Variants in TMEM131L observed in about 807,000 individuals in gnomAD.
The protein encoded by TMEM131L is transmembrane protein 131-like.
A neutral mutation model predicts 192.2 loss-of-function variants in TMEM131L; 54 were observed. The observed-to-expected ratio is 0.28, with a 90% CI of 0.23 to 0.35. TMEM131L has a LOEUF of 0.35. Ranked by LOEUF, TMEM131L falls within the 10% of genes least tolerant of loss-of-function variation. The probability of loss-of-function intolerance (pLI) is 1.00; values close to 1 mark genes in which losing one functional copy is unlikely to be tolerated. For missense variants in TMEM131L, 1,888 were observed against 1,972.9 expected (o/e 0.96, Z 0.82); for synonymous variants, 701 against 704.9 (o/e 0.99, Z 0.09).
Position 153,580,892 on chromosome 4 carries a change from C to A in TMEM131L, c.727C>A (p.Gln243Lys). 6.2e-7 allele frequency: 1 copy of A among 1,603,134 alleles called. No homozygotes were observed. The highest frequency in any genetic ancestry group is 1.1e-5 in the South Asian group (1 of 90,850). ...ATGCAGTTTACATAATAAAGTGTGT[C>A]AGCAATTAAAGGTAAAATAAAATGT... ...LECSLHNKVC[Q>K]QLKGCYLESD... Residue 243 changes from glutamine to lysine, a missense_variant, in exon 8 of 35, where the codon CAG (glutamine) becomes AAG (lysine). By Grantham distance (53) the Gln-to-Lys change is moderately conservative. Coordinates refer to ENST00000409959, the MANE Select transcript of TMEM131L (RefSeq NM_001131007.2).
chr4:153,598,134 GA>G (rs1731575565), intron 20 of TMEM131L, among the ~76,000 whole-genome samples: 1 of 152,058 alleles, frequency 6.6e-6, no homozygotes, highest in Non-Finnish European at 1.5e-5. Context: ...CCCTAAGGCA[GA>G]ATTTCTTACG....
intron 3 of TMEM131L, among the ~76,000 whole-genome samples, chr4:153,496,220 C>T (rs1423021840): frequency 6.6e-6 from 1 of 152,230 alleles, no homozygotes; most frequent in African/African-American, 2.4e-5. Flanking sequence ...ACTTCACAGG[C>T]TGGTCCTAAC....
rs1277601962 is a variant in TMEM131L, at chr4:153,581,415, T to C, written c.747T>C (p.Tyr249=). Residue 249 remains tyrosine, a synonymous_variant, in exon 9 of 35, where the codon TAT becomes TAC. Coordinates refer to ENST00000409959, the MANE Select transcript of TMEM131L (RefSeq NM_001131007.2). ...CCTCCTTCCAACCATAGGGTTGTTA[T>C]CTGGAATCTGATGATGTTTTGCGTC... ...NKVCQQLKGC[Y]LESDDVLRLQ... The C allele has an allele frequency of 3.8e-6, 6 of 1,562,974 alleles. No homozygotes were observed. Among genetic ancestry groups the C allele is most frequent in the African/African-American group, 1.4e-5 (1 of 72,646 alleles).
chr4:153,493,501 A>C (rs1043238973), intron 3 of TMEM131L, among the ~76,000 whole-genome samples: 1 of 152,006 alleles, frequency 6.6e-6, no homozygotes, highest in Non-Finnish European at 1.5e-5. Context: ...TCTACTAAAA[A>C]TACAAAAAAT....
intron 25 of TMEM131L, among the ~76,000 whole-genome samples, chr4:153,606,145 C>T (rs1179116657): frequency 2.0e-5 from 3 of 152,186 alleles, no homozygotes; most frequent in Non-Finnish European, 4.4e-5. Flanking sequence ...GTGTCTTATT[C>T]TGTTTCTCTC....
Position 153,560,386 on chromosome 4 carries a change from C to A in TMEM131L, c.660+2018C>A, listed in dbSNP as rs574653838. 3.9e-5 allele frequency among the ~76,000 whole-genome samples: 6 copies of A among 152,322 alleles called. No homozygotes were observed. The East Asian group carries it at 5.8e-4, about 15-fold the overall frequency. ...GCACTGTAGCCTACCTTGGCAGTGC[C>A]TTGGCTTTTCTTGGTCTTTGTTTCT... On this transcript the variant is annotated intron_variant, in intron 7 of 34. Transcript: ENST00000409959.
At chr4:153,587,253 T>C (rs1730760519) in intron 14 of TMEM131L, among the ~76,000 whole-genome samples, 1 of 152,116 alleles carries the variant, frequency 6.6e-6, no homozygotes, top group Middle Eastern at 3.2e-3. Flanking sequence ...CTGTAGGAAA[T>C]GGGAAATTAA....
At position 153,596,281 on chromosome 4, in the gene TMEM131L, G is replaced by A. The variant is rs1578829152; in HGVS notation, c.2019G>A (p.Arg673=). The change falls in exon 20 of 35, where the codon AGG becomes AGA. Residue 673 remains arginine, a synonymous_variant. Transcript: ENST00000409959. ...PYLGTHSEES[R]FGILHLHLQP... is the part of the protein sequence containing the mutation. ...AGGGTACGCATTCTGAGGAATCCAGGTTTGGCATCCTCCACTTACATCTGC... is the reference window on the plus strand; with the variant it reads ...AGGGTACGCATTCTGAGGAATCCAGATTTGGCATCCTCCACTTACATCTGC... The A allele has an allele frequency of 6.2e-7, 1 of 1,613,894 alleles. No individual in the cohort carries two copies. The highest frequency in any genetic ancestry group is 8.5e-7 in the Non-Finnish European group (1 of 1,179,816).
At chr4:153,493,270 C>G (rs1732920035) in intron 3 of TMEM131L, among the ~76,000 whole-genome samples, 1 of 145,956 alleles carries the variant, frequency 6.9e-6, no homozygotes, top group South Asian at 2.2e-4. Context: ...GGAATGAACC[C>G]AGGAGGCGGA....
chr4:153,624,665 G>A (rs1408096293), intron 29 of TMEM131L, among the ~76,000 whole-genome samples: 1 of 152,180 alleles, frequency 6.6e-6, no homozygotes, highest in Non-Finnish European at 1.5e-5. Context: ...CCTCAGAGAG[G>A]ATGCCCGAAT....
At chr4:153,600,469 AACAG>A (rs1352298619) in intron 21 of TMEM131L, among the ~76,000 whole-genome samples, 17 of 152,322 alleles carry the variant, frequency 1.1e-4, no homozygotes, top group South Asian at 6.2e-4. Context: ...TGGCTACTGT[AACAG>A]ACAGTGCAGA....
At chr4:153,520,588 A>G in intron 3 of TMEM131L, among the ~76,000 whole-genome samples, 1 of 152,218 alleles carries the variant, frequency 6.6e-6, no homozygotes, top group East Asian at 1.9e-4. Context: ...GAAACTGGGA[A>G]GGCCCTAGGT....
chr4:153,569,592 A>G (rs995865639), intron 7 of TMEM131L, among the ~76,000 whole-genome samples: 1 of 152,190 alleles, frequency 6.6e-6, no homozygotes, highest in Non-Finnish European at 1.5e-5. Context: ...ATAGAGATGC[A>G]TAGTGGGAGT....
intron 3 of TMEM131L, among the ~76,000 whole-genome samples, chr4:153,486,094 A>G (rs1732311230): frequency 6.6e-6 from 1 of 152,312 alleles, no homozygotes; most frequent in African/African-American, 2.4e-5. Flanking sequence ...AGATTAACGG[A>G]TGGAAGCAAC....
At chr4:153,503,766 A>G (rs1248497522) in intron 3 of TMEM131L, among the ~76,000 whole-genome samples, 5 of 152,196 alleles carry the variant, frequency 3.3e-5, no homozygotes, top group African/African-American at 4.8e-5. Context: ...ATGTAATAAG[A>G]CACGGGTTAT....
chr4:153,537,161 C>G (rs2150299041), intron 3 of TMEM131L, among the ~76,000 whole-genome samples: 1 of 152,290 alleles, frequency 6.6e-6, no homozygotes, highest in East Asian at 1.9e-4. Flanking sequence ...ATCACAGGGT[C>G]TTACCTTAAT....
rs1016604978 is a variant in TMEM131L, at chr4:153,550,466, A to G, written c.308+325A>G. Reference sequence around the variant, plus strand: ...CTCAGCCTCCCGAGTAGCTGGGACTACAGGCACCCGCCACCACGCCCGGCT... The same window carrying G: ...CTCAGCCTCCCGAGTAGCTGGGACTGCAGGCACCCGCCACCACGCCCGGCT... On this transcript the variant is annotated intron_variant, in intron 4 of 34. Transcript: ENST00000409959. Among the ~76,000 whole-genome samples, 13 of 152,062 alleles carry G rather than the reference A, an allele frequency of 8.5e-5. 1 individual carries two copies. The highest frequency in any genetic ancestry group is 5.2e-4 in the Admixed American group (8 of 15,260).
At chr4:153,601,181 A>G (rs1323280451) in intron 21 of TMEM131L, among the ~76,000 whole-genome samples, 1 of 151,866 alleles carries the variant, frequency 6.6e-6, no homozygotes, top group Non-Finnish European at 1.5e-5. Flanking sequence ...TATTCCATTT[A>G]TTCATTCAGT....
chr4:153,489,086 A>G (rs553904725), intron 3 of TMEM131L, among the ~76,000 whole-genome samples: 166 of 152,292 alleles, frequency 1.1e-3, no homozygotes, highest in African/African-American at 3.8e-3. Flanking sequence ...GGACTTTGAC[A>G]TATCATGTTG....
Sources: gnomAD v4.1 joint callset for allele counts (sites outside exome capture counted in the v4.1 genomes callset) on GRCh38, gnomAD v4.1.1 for gene constraint, MANE v1.5 for transcripts, NCBI Gene and HGNC (gene_info 2026-07-23, HGNC 2026-07-21) for gene names.